Variants in NOTCH3 observed in about 807,000 individuals in gnomAD.
NOTCH3 encodes the protein neurogenic locus notch homolog protein 3.
Under a neutral mutation model 213.3 loss-of-function variants are expected in NOTCH3, and 86 were observed. The observed-to-expected ratio is 0.40, with a 90% CI of 0.34 to 0.48. The LOEUF (loss-of-function observed/expected upper bound fraction) is 0.48, where lower values mean the gene tolerates loss of function less well. Among genes scored for constraint, NOTCH3 ranks in the 20% least tolerant of loss-of-function variants. NOTCH3 has a pLI of 0.57. For missense variants in NOTCH3, 2,783 were observed against 3,272.6 expected (o/e 0.85, Z 3.65); for synonymous variants, 1,354 against 1,355.9 (o/e 1.00, Z 0.03).
Position 15,161,684 on chromosome 19 carries a change from C to T in NOTCH3, c.5944G>A (p.Glu1982Lys). ...AGCTTGGCAGCCTCATAGCTGCCCT[C>T]GCGGGCGGCCAGGAATAGGGGGGTC... ...EETPLFLAAR[E>K]GSYEAAKLLL... Residue 1982 changes from glutamate (E) to lysine (K), a missense_variant, in exon 33 of 33, where the codon GAG becomes AAG. This residue lies in a region of NOTCH3 where 636 missense variants were observed against 801.8 expected (regional missense o/e 0.79). Transcript: ENST00000263388. 1 of 1,613,816 alleles carries T rather than the reference C, an allele frequency of 6.2e-7. No homozygotes were observed. Among genetic ancestry groups the T allele is most frequent in the Non-Finnish European group, 8.5e-7 (1 of 1,179,920 alleles).
chr19:15,191,924 C>T (rs771655073), intron 4 of NOTCH3, 36 bp downstream of exon 4: 2 of 1,613,712 alleles, frequency 1.2e-6, no homozygotes, highest in South Asian at 2.2e-5. Context: ...GTCCCCACGC[C>T]CACCCCTCTG....
Position 15,200,801 on chromosome 19 carries a change from C to T in NOTCH3, c.105G>A (p.Gly35=), listed in dbSNP as rs1259941024. 1 of 1,274,644 alleles carries T rather than the reference C, an allele frequency of 7.8e-7. No homozygotes were observed. The highest frequency in any genetic ancestry group is 3.1e-5 in the Admixed American group (1 of 31,838). 79.0% of individuals were successfully genotyped at this position (1,274,644 alleles called of 1,614,324 possible). A position where few individuals can be genotyped will look rare whatever the true frequency, so the allele number is the denominator to read the frequency against. The change falls in exon 1 of 33, where the codon GGG becomes GGA. Residue 35 remains glycine (G), a synonymous_variant. Coordinates refer to ENST00000263388, the MANE Select transcript of NOTCH3 (RefSeq NM_000435.3). ...RALPLLLLLA[G]PGAAAPPCLD... ...CCGGCCCCTCACCTGCAGCCCCCGGCCCCGCTAGCAGCAGCAGCAGGGGCA... is the reference window on the plus strand; with the variant it reads ...CCGGCCCCTCACCTGCAGCCCCCGGTCCCGCTAGCAGCAGCAGCAGGGGCA...
rs1302896464 is a variant in NOTCH3, at chr19:15,160,444, T to C, written c.*218A>G. On this transcript the variant is annotated 3_prime_UTR_variant, in exon 33 of 33. Coordinates refer to ENST00000263388, the MANE Select transcript of NOTCH3 (RefSeq NM_000435.3). ...GGAGGTCCCAGACTCTTCACAAGAC[T>C]GAGAGGGTGGGTGGTAGCCCCCACC... 2 of 593,266 alleles carry C rather than the reference T, an allele frequency of 3.4e-6. No individual in the cohort carries two copies. The highest frequency in any genetic ancestry group is 6.0e-6 in the Non-Finnish European group (2 of 332,292). The allele number at this position is 593,266 out of a possible 1,614,324, so 36.8% of individuals were successfully genotyped here.
intron 27 of NOTCH3, 48 bp from the exon 28 acceptor site, chr19:15,170,218 C>G (rs1463826575): frequency 6.6e-7 from 1 of 1,524,302 alleles, no homozygotes; most frequent in Non-Finnish European, 9.0e-7. Context: ...CTAGAGGTGT[C>G]CAGCTGGGAA....
chr19:15,160,812 G>A lies in NOTCH3; in HGVS notation c.6816C>T (p.Ser2272=). The change falls in exon 33 of 33, where the codon AGC becomes AGT. Residue 2272 remains serine, a synonymous_variant. Coordinates refer to ENST00000263388, the MANE Select transcript of NOTCH3 (RefSeq NM_000435.3). Reference sequence around the variant, plus strand: ...CCATGGCCCCAGTGGCAGTGGCTGGGCTAGGCGTGGATTCGGACCAGTCTG... The same window carrying A: ...CCATGGCCCCAGTGGCAGTGGCTGGACTAGGCGTGGATTCGGACCAGTCTG... The part of the protein sequence containing the change: ...SLSDWSESTP[S]PATATGAMAT... 3 of 1,614,036 alleles carry A rather than the reference G, an allele frequency of 1.9e-6. No homozygotes were observed. In the South Asian group the frequency reaches 3.3e-5, roughly 18 times the overall value.
At chr19:15,189,554 T>C in intron 6 of NOTCH3, 126 bp from the exon 7 acceptor site, 1 of 1,204,142 alleles carries the variant, frequency 8.3e-7, no homozygotes, top group Non-Finnish European at 1.2e-6. Context: ...GTTTCGCTCT[T>C]GTTGCCCAAG....
chr19:15,170,630 A>ACC, intron 26 of NOTCH3, 41 bp downstream of exon 26: 2 of 887,702 alleles, frequency 2.3e-6, no homozygotes, highest in Non-Finnish European at 3.3e-6. Context: ...GGCCGCCCCC[A>ACC]GCTCCGCCCC....
At chr19:15,195,147 A>C (rs934110550) in intron 2 of NOTCH3, among the ~76,000 whole-genome samples, 3 of 151,816 alleles carry the variant, frequency 2.0e-5, no homozygotes, top group African/African-American at 7.3e-5. Context: ...AGCAACTCTC[A>C]CTCACAGGGA....
At chr19:15,187,069 C>T in intron 11 of NOTCH3, 36 bp downstream of exon 11, 1 of 1,607,516 alleles carries the variant, frequency 6.2e-7, no homozygotes, top group Admixed American at 1.7e-5. Flanking sequence ...TGTGCCCCTC[C>T]AGGTGTGCTG....
At chr19:15,167,824 A>G (rs10418660) in intron 28 of NOTCH3, among the ~76,000 whole-genome samples, 136,930 of 151,930 alleles carry the variant, frequency 0.9, 62,023 homozygotes, top group African/African-American at 0.98. Context: ...CAAAGTGCTG[A>G]GATTAACAGG....
chr19:15,162,323 C>T lies in NOTCH3; in HGVS notation c.5913+142G>A. 6 of 749,428 alleles carry T rather than the reference C, an allele frequency of 8.0e-6. No individual in the cohort carries two copies. The East Asian group carries it at 1.6e-4, about 20-fold the overall frequency. The allele number at this position is 749,428 out of a possible 1,614,324, so 46.4% of individuals were successfully genotyped here. On this transcript the variant is annotated intron_variant, in intron 32 of 32. Transcript: ENST00000263388. ...AAGGGGCCCCCAAAAACTTTAGTCA[C>T]CAAAGTAAATTATATTTTAATCCAA...
At chr19:15,195,095 C>T (rs1418996949) in intron 2 of NOTCH3, among the ~76,000 whole-genome samples, 2 of 152,080 alleles carry the variant, frequency 1.3e-5, no homozygotes, top group Admixed American at 1.3e-4. Flanking sequence ...ATGGCCTGGC[C>T]AGCACTCAAG....
At position 15,187,271 on chromosome 19, in the gene NOTCH3, G is replaced by T; in HGVS notation, c.1674C>A (p.Arg558=). The change falls in exon 11 of 33, where the codon CGC becomes CGA. Residue 558 remains arginine (R), a synonymous_variant. Transcript: ENST00000263388. ...DCSPDPCHHG[R]CVDGIASFSC... is the part of the protein sequence containing the mutation. The stretch of plus-strand genomic sequence containing the variant: ...AGAAGCTGGCGATGCCATCCACGCA[G>T]CGACCATGGTGGCATGGGTCAGGGG... The T allele has an allele frequency of 6.2e-7, 1 of 1,614,122 alleles. No homozygotes were observed. Among genetic ancestry groups the T allele is most frequent in the South Asian group, 1.1e-5 (1 of 91,092 alleles).
rs564129724 is a variant in NOTCH3 at position 15,174,116 on chromosome 19, G to A, written c.4688C>T (p.Pro1563Leu). Residue 1563 changes from proline to leucine, a missense_variant, in exon 25 of 33, where the codon CCT becomes CTT. By Grantham distance (98) the Pro-to-Leu change is moderately conservative (BLOSUM62 -3). Transcript: ENST00000263388. ...AMVFPYHRPS[P>L]GSEPRARREL... is the part of the protein sequence containing the mutation. ...CCGACGGGCCCGGGGTTCGGAGCCA[G>A]GACTAGGCCGGTGGTAAGGGAAGAC... 1 of 1,602,340 alleles carries A rather than the reference G, an allele frequency of 6.2e-7. No homozygotes were observed. The highest frequency in any genetic ancestry group is 1.3e-5 in the African/African-American group (1 of 74,766).
intron 31 of NOTCH3, among the ~76,000 whole-genome samples, chr19:15,164,663 C>G (rs929299213): frequency 6.6e-6 from 1 of 152,094 alleles, no homozygotes; most frequent in African/African-American, 2.4e-5. Context: ...GGCTACTATA[C>G]TGGACAGTGC....
At position 15,189,391 on chromosome 19, in the gene NOTCH3, G is replaced by A. The variant is rs760908917; in HGVS notation, c.1074C>T (p.Asn358=). ...LCHLDDACVS[N]PCHEDAICDT... is the part of the protein sequence containing the mutation. ...CACAGATAGCATCCTCGTGGCAGGG[G>A]TTGCTGACACAGGCGTCATCCAGGT... The change falls in exon 7 of 33, where the codon AAC becomes AAT. Residue 358 remains asparagine, a synonymous_variant. Coordinates refer to ENST00000263388, the MANE Select transcript of NOTCH3 (RefSeq NM_000435.3). 3.1e-6 allele frequency: 5 copies of A among 1,613,900 alleles called. No homozygotes were observed. The highest frequency in any genetic ancestry group is 4.2e-6 in the Non-Finnish European group (5 of 1,180,042).
chr19:15,188,893 C>G (rs1448846394), intron 8 of NOTCH3, 96 bp downstream of exon 8: 2 of 1,296,372 alleles, frequency 1.5e-6, no homozygotes, highest in Non-Finnish European at 2.1e-6. Context: ...CCACTCCAAA[C>G]CCACTTACAC....
chr19:15,161,049 G>A lies in NOTCH3; in HGVS notation c.6579C>T (p.Pro2193=), dbSNP rs772867057. 26 of 1,538,518 alleles carry A rather than the reference G, an allele frequency of 1.7e-5. No homozygotes were observed. The highest frequency in any genetic ancestry group is 2.3e-5 in the Non-Finnish European group (26 of 1,145,046). ...CGGGGGTCCCTGGGTTGAGCAGCTG[G>A]GGTCCCGGCGCCAGTGGCAGCAGGA... The part of the protein sequence containing the change: ...PSFLLPLAPG[P]QLLNPGTPVS... The change falls in exon 33 of 33, where the codon CCC becomes CCT. Residue 2193 remains proline, a synonymous_variant. Coordinates refer to ENST00000263388, the MANE Select transcript of NOTCH3 (RefSeq NM_000435.3).
intron 25 of NOTCH3, among the ~76,000 whole-genome samples, chr19:15,172,224 C>T (rs190454894): frequency 6.6e-6 from 1 of 152,282 alleles, no homozygotes; most frequent in East Asian, 1.9e-4. Context: ...TAATTCCATT[C>T]ATCCAATCCT....
Sources: gnomAD v4.1 joint callset for allele counts (sites outside exome capture counted in the v4.1 genomes callset) on GRCh38, gnomAD v4.1.1 for gene constraint, gnomAD v4.1.1 regional missense constraint, MANE v1.5 for transcripts, NCBI Gene and HGNC (gene_info 2026-07-23, HGNC 2026-07-21) for gene names.